Variants in ARHGAP21 observed in about 807,000 individuals in gnomAD.
The protein encoded by ARHGAP21 is rho GTPase-activating protein 21.
A neutral mutation model predicts 164.6 loss-of-function variants in ARHGAP21; 38 were observed. That is an observed-to-expected ratio of 0.23 (90% confidence interval 0.18 to 0.30). ARHGAP21 has a LOEUF of 0.30. Among genes scored for constraint, ARHGAP21 ranks in the 10% least tolerant of loss-of-function variants. The pLI is 1.00. For synonymous variants in ARHGAP21, 766 were observed against 857.9 expected, an observed-to-expected ratio of 0.89 and a Z score of 1.87; for missense variants, 1,822 against 2,370.7, an observed-to-expected ratio of 0.77 and a Z score of 4.81.
At chr10:24,684,062 G>A (rs909936515) in intron 2 of ARHGAP21, among the ~76,000 whole-genome samples, 2 of 152,150 alleles carry the variant, frequency 1.3e-5, no homozygotes, top group Non-Finnish European at 1.5e-5. Flanking sequence ...CAAGGTGGGC[G>A]GATCGCTTCA....
At chr10:24,628,531 C>T (rs886861248) in intron 7 of ARHGAP21, among the ~76,000 whole-genome samples, 2 of 151,824 alleles carry the variant, frequency 1.3e-5, no homozygotes, top group Admixed American at 6.6e-5. Context: ...TCCATTACCA[C>T]GACAAAGAGT....
intron 16 of ARHGAP21, among the ~76,000 whole-genome samples, chr10:24,597,090 C>G (rs1243742095): frequency 2.0e-5 from 3 of 147,762 alleles, no homozygotes; most frequent in Admixed American, 2.0e-4. Flanking sequence ...TTTAAAACAG[C>G]AAAAAAAAAA....
rs1381946675 is a variant in ARHGAP21 at position 24,722,268 on chromosome 10, C to T, written c.-369G>A. ...GGTCGTGAAGGTTCGAGTGTCAGCT[C>T]CTAGAGAGATCCTAGGAAAACGAGA... On this transcript the variant is annotated 5_prime_UTR_variant, in exon 2 of 26. Coordinates refer to ENST00000396432, the MANE Select transcript of ARHGAP21 (RefSeq NM_020824.4). The T allele has an allele frequency of 3.8e-6, 1 of 260,908 alleles. No individual in the cohort carries two copies. The highest frequency in any genetic ancestry group is 7.6e-6 in the Non-Finnish European group (1 of 130,896). 16.2% of individuals were successfully genotyped at this position (260,908 alleles called of 1,614,324 possible).
At chr10:24,663,150 T>C (rs987240143) in intron 4 of ARHGAP21, among the ~76,000 whole-genome samples, 2 of 152,196 alleles carry the variant, frequency 1.3e-5, no homozygotes, top group African/African-American at 4.8e-5. Context: ...TTACATCCTT[T>C]ATGGACTTTT....
rs189704822 is a variant in ARHGAP21, at chr10:24,630,041, T to C, written c.450A>G (p.Thr150=). Residue 150 remains threonine, a synonymous_variant, in exon 7 of 26, where the codon ACA becomes ACG. Coordinates refer to ENST00000396432, the MANE Select transcript of ARHGAP21 (RefSeq NM_020824.4). The part of the protein sequence containing the change: ...VIALIQNSDT[T]LELSVMPKDE... The stretch of plus-strand genomic sequence containing the variant: ...CTTTTGGCATAACACTAAGTTCCAA[T>C]GTTGTATCACTGAAATTGAATTATA... 3.1e-5 allele frequency: 48 copies of C among 1,545,670 alleles called. No homozygotes were observed. The African/African-American group carries it at 6.1e-4, about 20-fold the overall frequency.
chr10:24,636,220 A>C (rs1836365795), intron 4 of ARHGAP21, among the ~76,000 whole-genome samples: 1 of 152,256 alleles, frequency 6.6e-6, no homozygotes. Flanking sequence ...TCAAGGAAAA[A>C]TTCGCAGATG....
At chr10:24,589,411 A>T in intron 24 of ARHGAP21, 109 bp from the exon 25 acceptor site, 1 of 973,640 alleles carries the variant, frequency 1.0e-6, no homozygotes, top group Non-Finnish European at 1.5e-6. Flanking sequence ...GTGAAAGCAA[A>T]ACTCAAAACA....
intron 2 of ARHGAP21, among the ~76,000 whole-genome samples, chr10:24,710,457 T>C (rs1844670222): frequency 6.6e-6 from 1 of 152,140 alleles, no homozygotes; most frequent in African/African-American, 2.4e-5. Flanking sequence ...CTGCTATATG[T>C]TTTCATAGCT....
intron 7 of ARHGAP21, among the ~76,000 whole-genome samples, chr10:24,628,808 TATATATAC>T (rs1460867970): frequency 9.0e-5 from 9 of 100,552 alleles, no homozygotes; most frequent in Admixed American, 3.1e-4. Flanking sequence ...CATATATACA[TATATATAC>T]ATATACACAC....
intron 11 of ARHGAP21, 32 bp downstream of exon 11, chr10:24,607,467 C>G (rs1294167451): frequency 6.3e-7 from 1 of 1,586,464 alleles, no homozygotes; most frequent in Non-Finnish European, 8.6e-7. Flanking sequence ...CACCCACATA[C>G]AAATATTTAA....
At chr10:24,653,245 C>G (rs1235008299) in intron 4 of ARHGAP21, among the ~76,000 whole-genome samples, 2 of 152,134 alleles carry the variant, frequency 1.3e-5, no homozygotes, top group African/African-American at 2.4e-5. Flanking sequence ...AACCACAGAC[C>G]TGTTTAGAAG....
At chr10:24,703,769 C>T (rs1016282647) in intron 2 of ARHGAP21, among the ~76,000 whole-genome samples, 4 of 152,080 alleles carry the variant, frequency 2.6e-5, no homozygotes, top group African/African-American at 9.7e-5. Context: ...TACTTCTTTC[C>T]GACCTATACC....
intron 2 of ARHGAP21, among the ~76,000 whole-genome samples, chr10:24,672,878 CAAAAACAAAAAA>C (rs1840848515): frequency 6.7e-6 from 1 of 149,798 alleles, no homozygotes; most frequent in Non-Finnish European, 1.5e-5. Flanking sequence ...AAAACAAAAA[CAAAAACAAAAAA>C]AAACAGCATT....
At chr10:24,590,703 T>C (rs2076289499) in intron 24 of ARHGAP21, 6 of 985,284 alleles carry the variant, frequency 6.1e-6, no homozygotes, top group Non-Finnish European at 7.2e-6. Flanking sequence ...AAATGTCAAA[T>C]AGGCTGGCTT....
At chr10:24,660,851 T>C (rs561407513) in intron 4 of ARHGAP21, among the ~76,000 whole-genome samples, 33 of 152,176 alleles carry the variant, frequency 2.2e-4, no homozygotes, top group Non-Finnish European at 4.7e-4. Context: ...TTAATCAAAA[T>C]TGACATATGT....
chr10:24,653,910 A>T (rs1293531786), intron 4 of ARHGAP21, among the ~76,000 whole-genome samples: 1 of 152,244 alleles, frequency 6.6e-6, no homozygotes, highest in Non-Finnish European at 1.5e-5. Flanking sequence ...CATTACTAAG[A>T]AAGTGAAAAA....
intron 2 of ARHGAP21, among the ~76,000 whole-genome samples, chr10:24,720,340 A>G (rs536959005): frequency 6.6e-6 from 1 of 152,174 alleles, no homozygotes; most frequent in Non-Finnish European, 1.5e-5. Flanking sequence ...CAAGACAATG[A>G]CAAATAAGGC....
chr10:24,626,618 T>C (rs921139872), intron 7 of ARHGAP21, among the ~76,000 whole-genome samples: 1 of 152,198 alleles, frequency 6.6e-6, no homozygotes, highest in African/African-American at 2.4e-5. Flanking sequence ...TCTAAGGTAT[T>C]TTGTTACAGC....
chr10:24,669,309 T>C (rs1174157431), intron 3 of ARHGAP21, among the ~76,000 whole-genome samples: 2 of 152,212 alleles, frequency 1.3e-5, no homozygotes, highest in Non-Finnish European at 2.9e-5. Flanking sequence ...ATACGGACAC[T>C]ACTTTTTAAA....
Sources: allele counts gnomAD v4.1 joint callset (sites outside exome capture counted in the v4.1 genomes callset), GRCh38; gene constraint gnomAD v4.1.1; transcripts MANE v1.5; gene names NCBI Gene and HGNC (gene_info 2026-07-23, HGNC 2026-07-21).